Variants in LITAF observed in about 807,000 individuals in gnomAD.
LITAF encodes the protein lipopolysaccharide induced TNF factor.
LITAF carries 9 observed loss-of-function variants against 14.5 expected under a neutral mutation model. That is an observed-to-expected ratio of 0.62 (90% CI 0.37 to 1.08). The LOEUF (loss-of-function observed/expected upper bound fraction) is 1.08. Among genes scored for constraint, LITAF ranks in the 50% least tolerant of loss-of-function variants. The pLI, the probability that LITAF is intolerant of heterozygous loss-of-function variation, is 0.01. For missense variants in LITAF, 206 were observed against 213.4 expected (o/e 0.97, Z 0.22); for synonymous variants, 98 against 88.2 (o/e 1.11, Z -0.62).
chr16:11,599,598 A>C (rs1047357853), upstream of LITAF, among the ~76,000 whole-genome samples: 1 of 152,152 alleles, frequency 6.6e-6, no homozygotes, highest in African/African-American at 2.4e-5. Flanking sequence ...GACTCATGAC[A>C]CAAACCACCC....
intron 1 of LITAF, among the ~76,000 whole-genome samples, chr16:11,570,409 G>A (rs1018752455): frequency 1.3e-5 from 2 of 152,130 alleles, no homozygotes; most frequent in Non-Finnish European, 1.5e-5. Context: ...ACCTCATCCC[G>A]CCACAGGGAC....
chr16:11,608,585 A>T (rs964415841), intron 3 of LITAF, among the ~76,000 whole-genome samples: 1 of 152,250 alleles, frequency 6.6e-6, no homozygotes, highest in African/African-American at 2.4e-5. Context: ...TTATTCAGCC[A>T]TGGAAAAGAA....
At chr16:11,638,092 C>A (rs368053985), upstream of LITAF, among the ~76,000 whole-genome samples, 29 of 65,432 alleles carry the variant, frequency 4.4e-4, no homozygotes, top group African/African-American at 3.1e-3. Flanking sequence ...ATCTATCTAT[C>A]TATCTATATA....
chr16:11,601,745 A>G (rs1384816533), upstream of LITAF, among the ~76,000 whole-genome samples: 1 of 152,068 alleles, frequency 6.6e-6, no homozygotes, highest in Admixed American at 6.6e-5. Context: ...TTTTTTGTAG[A>G]GACGGGGTTT....
intron 3 of LITAF, among the ~76,000 whole-genome samples, chr16:11,611,772 C>T (rs1398504648): frequency 2.0e-5 from 3 of 151,970 alleles, no homozygotes; most frequent in Non-Finnish European, 4.4e-5. Flanking sequence ...AAGTGATTCT[C>T]CTGCCTCAGC....
At chr16:11,589,965 A>C (rs1431042856), upstream of LITAF, among the ~76,000 whole-genome samples, 6 of 60,856 alleles carry the variant, frequency 9.9e-5, 2 homozygotes, top group Non-Finnish European at 1.8e-4. Flanking sequence ...TCCAAAAATG[A>C]AATTAAGAAA....
At chr16:11,575,207 C>T (rs1387327833) in intron 1 of LITAF, among the ~76,000 whole-genome samples, 3 of 152,100 alleles carry the variant, frequency 2.0e-5, no homozygotes, top group Non-Finnish European at 2.9e-5. Flanking sequence ...CCTCCCTTGC[C>T]GGCCTTATGG....
rs1005760992 is a variant in LITAF, at chr16:11,548,215, T to C, written c.*1422A>G. 2 of 454,128 alleles carry C rather than the reference T, an allele frequency of 4.4e-6. No individual in the cohort carries two copies. Among genetic ancestry groups the C allele is most frequent in the Admixed American group, 4.7e-5 (2 of 42,568 alleles). The allele number at this position is 454,128 out of a possible 1,614,324, so 28.1% of individuals were successfully genotyped here. A position where few individuals can be genotyped will look rare whatever the true frequency, so the allele number is the denominator to read the frequency against. ...TAGTAGTATTCACATGAGTTCCCTA[T>C]TCTGAAGTATTATCAAAACGAGGAC... On this transcript the variant is annotated 3_prime_UTR_variant, in exon 4 of 4. Coordinates refer to ENST00000622633, the MANE Select transcript of LITAF (RefSeq NM_001136472.2).
At chr16:11,611,878 T>C (rs1285084240) in intron 3 of LITAF, among the ~76,000 whole-genome samples, 1 of 152,170 alleles carries the variant, frequency 6.6e-6, no homozygotes, top group Admixed American at 6.6e-5. Flanking sequence ...TTGTCCAGGC[T>C]GGTCTCAAAC....
At position 11,548,016 on chromosome 16, in the gene LITAF, A is replaced by T; in HGVS notation, c.*1621T>A. On this transcript the variant is annotated 3_prime_UTR_variant, in exon 4 of 4. Transcript: ENST00000622633. ...AAATAGTTCACCGGGTGAACCAAAGACTTTATTTTTCAAAAGCAGGTAACA... is the reference window on the plus strand; with the variant it reads ...AAATAGTTCACCGGGTGAACCAAAGTCTTTATTTTTCAAAAGCAGGTAACA... 1 of 454,106 alleles carries T rather than the reference A, an allele frequency of 2.2e-6. No individual in the cohort carries two copies. Among genetic ancestry groups the T allele is most frequent in the Non-Finnish European group, 4.4e-6 (1 of 226,784 alleles). 28.1% of individuals were successfully genotyped at this position (454,106 alleles called of 1,614,324 possible).
At chr16:11,633,956 G>A (rs1170231701) in intron 2 of LITAF, among the ~76,000 whole-genome samples, 2 of 152,108 alleles carry the variant, frequency 1.3e-5, no homozygotes, top group African/African-American at 4.8e-5. Flanking sequence ...CCAAACCCTG[G>A]AACATAGGAA....
At chr16:11,574,454 A>G (rs2064598657) in intron 1 of LITAF, among the ~76,000 whole-genome samples, 1 of 152,222 alleles carries the variant, frequency 6.6e-6, no homozygotes, top group South Asian at 2.1e-4. Context: ...GGGGTGTGAC[A>G]AACACTGGTC....
upstream of LITAF, among the ~76,000 whole-genome samples, chr16:11,638,716 A>T (rs1193936751): frequency 1.8e-5 from 1 of 54,208 alleles, no homozygotes; most frequent in Non-Finnish European, 3.0e-5. Context: ...AAAAAAAAAA[A>T]AAAAAAAAAA....
intron 1 of LITAF, among the ~76,000 whole-genome samples, chr16:11,594,290 C>T (rs1421769994): frequency 7.0e-6 from 1 of 141,882 alleles, no homozygotes; most frequent in African/African-American, 2.8e-5. Context: ...AACTTCATTA[C>T]AACAACTGTA....
chr16:11,595,339 C>T (rs1041435335), intron 1 of LITAF, among the ~76,000 whole-genome samples: 8 of 152,294 alleles, frequency 5.3e-5, no homozygotes, highest in Admixed American at 4.6e-4. Flanking sequence ...CCTGGCCAAA[C>T]GCTTTGTTTC....
At chr16:11,618,749 C>A (rs2065031917) in intron 3 of LITAF, among the ~76,000 whole-genome samples, 1 of 152,036 alleles carries the variant, frequency 6.6e-6, no homozygotes, top group Admixed American at 6.6e-5. Context: ...CTTTAGGAGA[C>A]CGAGGCGGGC....
At chr16:11,575,287 ATAGTTT>A (rs2064614061) in intron 1 of LITAF, 5 of 152,134 alleles carry the variant, frequency 3.3e-5, no homozygotes, top group Non-Finnish European at 7.3e-5. Context: ...GAGACTGGGT[ATAGTTT>A]CTTTTTTTGT....
chr16:11,599,676 T>C (rs1441616447), upstream of LITAF, among the ~76,000 whole-genome samples: 1 of 152,150 alleles, frequency 6.6e-6, no homozygotes, highest in Non-Finnish European at 1.5e-5. Context: ...CTGAGAACTC[T>C]AGAGCCCTGT....
At chr16:11,604,937 C>T (rs2064947236) in intron 3 of LITAF, among the ~76,000 whole-genome samples, 1 of 152,140 alleles carries the variant, frequency 6.6e-6, no homozygotes, top group Non-Finnish European at 1.5e-5. Flanking sequence ...GTAATGAAGC[C>T]ACTGCCATCT....
Sources: allele counts gnomAD v4.1 joint callset (sites outside exome capture counted in the v4.1 genomes callset), GRCh38; gene constraint gnomAD v4.1.1; transcripts MANE v1.5; gene names NCBI Gene and HGNC (gene_info 2026-07-23, HGNC 2026-07-21).